Variants in LINC00632 observed in about 807,000 individuals in gnomAD.
The protein encoded by LINC00632 is long independently transcribed non-coding RNA 632.
intron 3 of LINC00632, among the ~76,000 whole-genome samples, chrX:140,744,084 G>A (rs2148390256): frequency 9.0e-6 from 1 of 111,268 alleles, no homozygotes; most frequent in East Asian, 2.8e-4. Context: ...GTAGGTAGGA[G>A]TATTTGCATC....
intron 2 of LINC00632, among the ~76,000 whole-genome samples, chrX:140,716,780 T>TACACACACACACAC (rs200811174): frequency 3.3e-5 from 3 of 89,811 alleles, no homozygotes; most frequent in Non-Finnish European, 4.4e-5. Context: ...GCCCACAACA[T>TACACACACACACAC]ACACACACAC....
At chrX:140,784,079 G>A (rs762243899) in exon 5 of LINC00632, 5 of 1,208,823 alleles carry the variant, frequency 4.1e-6, no homozygotes, top group Admixed American at 2.2e-5. Flanking sequence ...GCAAGTCCAC[G>A]TCTTCCAACA....
At chrX:140,750,067 A>G (rs1275583713) in intron 3 of LINC00632, among the ~76,000 whole-genome samples, 2 of 111,297 alleles carry the variant, frequency 1.8e-5, no homozygotes, top group African/African-American at 3.3e-5. Flanking sequence ...TCTGGTATAT[A>G]TACACAATAG....
chrX:140,753,088 G>A (rs961165500), intron 3 of LINC00632, among the ~76,000 whole-genome samples: 7 of 112,117 alleles, frequency 6.2e-5, no homozygotes, highest in Admixed American at 5.7e-4. Flanking sequence ...AGAAAAGGAA[G>A]ATCAGTTTCT....
intron 3 of LINC00632, among the ~76,000 whole-genome samples, chrX:140,767,154 G>A (rs1053022223): frequency 9.0e-6 from 1 of 111,384 alleles, no homozygotes; most frequent in Admixed American, 9.5e-5. Context: ...GTGTCATCTA[G>A]AGCAAGATTG....
intron 3 of LINC00632, among the ~76,000 whole-genome samples, chrX:140,767,611 T>A (rs190539548): frequency 3.0e-4 from 34 of 112,367 alleles, no homozygotes; most frequent in Admixed American, 2.7e-3. Flanking sequence ...CAGAGTAGAA[T>A]ATTTTGAAGA....
chrX:140,782,960 CTGT>C (rs1300415761), exon 5 of LINC00632: 2 of 112,056 alleles, frequency 1.8e-5, no homozygotes, highest in Non-Finnish European at 3.8e-5. Context: ...TCTACATCTG[CTGT>C]TGTTTATATC....
chrX:140,730,743 T>C (rs1315394581), intron 2 of LINC00632, among the ~76,000 whole-genome samples: 1 of 111,452 alleles, frequency 9.0e-6, no homozygotes, highest in African/African-American at 3.3e-5. Flanking sequence ...AAAAGCAGCA[T>C]GATAGGTATG....
chrX:140,746,189 C>T (rs1569352316), intron 3 of LINC00632, among the ~76,000 whole-genome samples: 1 of 112,369 alleles, frequency 8.9e-6, no homozygotes, highest in Admixed American at 9.5e-5. Flanking sequence ...ACCTCACATA[C>T]TTAATCTTTT....
exon 4 of LINC00632, among the ~76,000 whole-genome samples, chrX:140,773,338 G>C (rs1931833486): frequency 8.9e-6 from 1 of 112,225 alleles, no homozygotes; most frequent in Non-Finnish European, 1.9e-5. Flanking sequence ...TGAGGACAAT[G>C]GCAATTTGCC....
intron 2 of LINC00632, among the ~76,000 whole-genome samples, chrX:140,720,890 A>T (rs1343777017): frequency 1.8e-5 from 2 of 111,697 alleles, no homozygotes; most frequent in East Asian, 5.6e-4. Flanking sequence ...ATGCACAGAC[A>T]TGCCCTACAA....
At chrX:140,718,185 G>C (rs1261367668) in intron 2 of LINC00632, among the ~76,000 whole-genome samples, 1 of 110,870 alleles carries the variant, frequency 9.0e-6, no homozygotes, top group African/African-American at 3.3e-5. Flanking sequence ...AAAGTGTTTA[G>C]AGCAATGCTT....
At chrX:140,758,901 G>C (rs12857084) in intron 3 of LINC00632, among the ~76,000 whole-genome samples, 3 of 109,871 alleles carry the variant, frequency 2.7e-5, no homozygotes, top group Admixed American at 1.9e-4. Context: ...CCTCAGCCTA[G>C]ATGGCTGATT....
chrX:140,766,988 T>C (rs1362877895), intron 3 of LINC00632, among the ~76,000 whole-genome samples: 1 of 112,257 alleles, frequency 8.9e-6, no homozygotes, highest in African/African-American at 3.2e-5. Flanking sequence ...TTGCTCATTG[T>C]TATGCTACAG....
intron 3 of LINC00632, among the ~76,000 whole-genome samples, chrX:140,735,139 T>C (rs1316539379): frequency 8.9e-6 from 1 of 111,887 alleles, no homozygotes; most frequent in Non-Finnish European, 1.9e-5. Flanking sequence ...GACTCTTACT[T>C]ATTTCTAATG....
intron 3 of LINC00632, among the ~76,000 whole-genome samples, chrX:140,743,784 C>G (rs1450313774): frequency 9.0e-6 from 1 of 111,080 alleles, no homozygotes; most frequent in South Asian, 3.8e-4. Context: ...TACAGGGAAG[C>G]CTTCCCCAAA....
intron 2 of LINC00632, among the ~76,000 whole-genome samples, chrX:140,730,241 G>A (rs1422118742): frequency 9.0e-6 from 1 of 110,619 alleles, no homozygotes; most frequent in Non-Finnish European, 1.9e-5. Context: ...ACTTGGCACA[G>A]ATCGGCACCA....
At chrX:140,766,642 A>C (rs1343207817) in intron 3 of LINC00632, among the ~76,000 whole-genome samples, 4 of 112,162 alleles carry the variant, frequency 3.6e-5, no homozygotes, top group Non-Finnish European at 5.6e-5. Flanking sequence ...TGTACAATTC[A>C]GTTTTCTACA....
exon 5 of LINC00632, chrX:140,783,079 T>A (rs1931957546): frequency 8.5e-6 from 1 of 117,881 alleles, no homozygotes; most frequent in Non-Finnish European, 1.7e-5. Context: ...GTTCAGGGCC[T>A]CCAGAAATAT....
Sources: gnomAD v4.1 joint callset for allele counts (sites outside exome capture counted in the v4.1 genomes callset) on GRCh38, gnomAD v4.1.1 for gene constraint, MANE v1.5 for transcripts, NCBI Gene and HGNC (gene_info 2026-07-23, HGNC 2026-07-21) for gene names.